LIPE: variants seen among roughly 807,000 people sequenced by gnomAD.
LIPE encodes hormone-sensitive lipase.
In LIPE, 66 loss-of-function variants were observed where a neutral mutation model predicts 88.5. That is an observed-to-expected ratio of 0.75 (90% CI 0.61 to 0.91). The LOEUF is 0.91. Ranked by LOEUF, LIPE falls within the 40% of genes least tolerant of loss-of-function variation. The probability of loss-of-function intolerance (pLI) is 0.00; values close to 1 mark genes in which losing one functional copy is unlikely to be tolerated. For missense variants in LIPE, 1,346 were observed against 1,434.7 expected (o/e 0.94, Z 1.00); for synonymous variants, 570 against 617.5 (o/e 0.92, Z 1.14).
In LIPE at chr19:42,401,979, G is replaced by T; in HGVS notation, c.3064C>A (p.Leu1022Met). 1 of 1,556,268 alleles carries T rather than the reference G, an allele frequency of 6.4e-7. No individual in the cohort carries two copies. Among genetic ancestry groups the T allele is most frequent in the East Asian group, 2.4e-5 (1 of 41,744 alleles). Residue 1022 changes from leucine to methionine, a missense_variant, in exon 10 of 10, where the codon CTG (leucine) becomes ATG (methionine). Transcript: ENST00000244289. ...GCTAGGGTCAGGAAGCCGTGCGGCA[G>T]GTCCTCCACCACGCGCAGCGTCACC... Reference protein sequence around the residue: ...QPVTLRVVEDLPHGFLTLAAL... With the variant: ...QPVTLRVVEDMPHGFLTLAAL...
intron 1 of LIPE, among the ~76,000 whole-genome samples, chr19:42,416,567 C>A (rs2040491786): frequency 6.6e-6 from 1 of 152,166 alleles, no homozygotes; most frequent in Non-Finnish European, 1.5e-5. Flanking sequence ...AGGCTGACCC[C>A]CTTGTTAGGG....
At chr19:42,403,120 G>A (rs1253225240) in intron 8 of LIPE, 89 bp from the exon 9 acceptor site, 1 of 1,292,032 alleles carries the variant, frequency 7.7e-7, no homozygotes, top group Non-Finnish European at 1.0e-6. Context: ...GCAGTCGCCT[G>A]TGGAGCGCTG....
At position 42,402,078 on chromosome 19, in the gene LIPE, A is replaced by G. The variant is rs1388477417; in HGVS notation, c.2968-3T>C. ...AGCATGGGGTCCAGCGCGCACGCCT[A>G]CGGGACAGCGGGGAGGGACGTGGAG... On this transcript the variant is annotated splice_region_variant and splice_polypyrimidine_tract_variant and intron_variant, in intron 9 of 9. Coordinates refer to ENST00000244289, the MANE Select transcript of LIPE (RefSeq NM_005357.4). 1 of 1,478,358 alleles carries G rather than the reference A, an allele frequency of 6.8e-7. No individual in the cohort carries two copies. Among genetic ancestry groups the G allele is most frequent in the African/African-American group, 1.4e-5 (1 of 69,156 alleles). 91.6% of individuals were successfully genotyped at this position (1,478,358 alleles called of 1,614,324 possible). A position where few individuals can be genotyped will look rare whatever the true frequency, so the allele number is the denominator to read the frequency against.
rs1313433890 is a variant in LIPE at position 42,426,597 on chromosome 19, C to A, written c.553G>T (p.Asp185Tyr). 6.2e-7 allele frequency: 1 copy of A among 1,614,222 alleles called. No individual in the cohort carries two copies. The highest frequency in any genetic ancestry group is 1.1e-5 in the South Asian group (1 of 91,090). Residue 185 changes from aspartate to tyrosine, a missense_variant, in exon 1 of 10, where the codon GAC (aspartate) becomes TAC (tyrosine). Coordinates refer to ENST00000244289, the MANE Select transcript of LIPE (RefSeq NM_005357.4). The stretch of plus-strand genomic sequence containing the variant: ...CCCTGGACTGGCGTTGTTTGCTTGT[C>A]TGACTGTTCAGGTGTCTCTTGGGAC... ...STSQETPEQS[D>Y]KQTTPVQGAK...
At position 42,414,047 on chromosome 19, in the gene LIPE, C is replaced by T. The variant is rs903374264; in HGVS notation, c.884-3205G>A. Among the ~76,000 whole-genome samples, 6 of 152,104 alleles carry T rather than the reference C, an allele frequency of 3.9e-5. No individual in the cohort carries two copies. Among genetic ancestry groups the T allele is most frequent in the African/African-American group, 9.6e-5 (4 of 41,506 alleles). The stretch of plus-strand genomic sequence containing the variant: ...TAATGCCAGCACGTTGGGAGGCCGA[C>T]GTGGGTGGGCCACGAGGTCAGGAGA... On this transcript the variant is annotated intron_variant, in intron 1 of 9. Transcript: ENST00000244289. This position sits in a 1 kb window ranked among gnomAD's most constrained non-coding sequence, Gnocchi z 4.6.
intron 1 of LIPE, among the ~76,000 whole-genome samples, chr19:42,412,746 C>T (rs980360911): frequency 6.6e-6 from 1 of 152,198 alleles, no homozygotes; most frequent in Non-Finnish European, 1.5e-5. Flanking sequence ...CCCCTCTCAC[C>T]CAGCCAGGCT....
chr19:42,406,019 C>CACAT lies in LIPE; in HGVS notation c.2365+141_2365+142insATGT. 2 of 610,344 alleles carry CACAT rather than the reference C, an allele frequency of 3.3e-6. No individual in the cohort carries two copies. Among genetic ancestry groups the CACAT allele is most frequent in the South Asian group, 2.0e-5 (1 of 49,982 alleles). 37.8% of individuals were successfully genotyped at this position (610,344 alleles called of 1,614,324 possible). A position where few individuals can be genotyped will look rare whatever the true frequency, so the allele number is the denominator to read the frequency against. On this transcript the variant is annotated intron_variant, in intron 7 of 9. Coordinates refer to ENST00000244289, the MANE Select transcript of LIPE (RefSeq NM_005357.4). This position sits in a 1 kb window ranked among gnomAD's most constrained non-coding sequence, Gnocchi z 5.7. ...ACACACACACACACACACACACACA[C>CACAT]GAAAAAAAAGGGACAAGGAGTCTTA...
chr19:42,410,752 T>G lies in LIPE; in HGVS notation c.974A>C (p.Gln325Pro). ...CCGCTGGGCCGTTTCCCCAGGACCC[T>G]GGCTCGAGAAGAAGGCTATGTTGTC... The part of the protein sequence containing the change: ...AEDNIAFFSS[Q>P]GPGETAQRLS... The change falls in exon 2 of 10, where the codon CAG becomes CCG. Residue 325 changes from glutamine (Q) to proline (P), a missense_variant. Transcript: ENST00000244289. The surrounding 1 kb of genome is among the most constrained non-coding windows in gnomAD (Gnocchi z 6.1). The G allele has an allele frequency of 6.2e-7, 1 of 1,613,348 alleles. No homozygotes were observed. The highest frequency in any genetic ancestry group is 8.5e-7 in the Non-Finnish European group (1 of 1,179,460).
Position 42,403,047 on chromosome 19 carries a change from C to G in LIPE, c.2543-16G>C, listed in dbSNP as rs1568594831. On this transcript the variant is annotated splice_polypyrimidine_tract_variant and intron_variant, in intron 8 of 9. Transcript: ENST00000244289. ...CGCATCGGCTCTGAGAGAGGGAGAG[C>G]AGATAGGCCTGGCTCCGTTAGTTTG... 1 of 1,525,112 alleles carries G rather than the reference C, an allele frequency of 6.6e-7. No individual in the cohort carries two copies. Among genetic ancestry groups the G allele is most frequent in the South Asian group, 1.2e-5 (1 of 80,944 alleles). The allele number at this position is 1,525,112 out of a possible 1,614,324, so 94.5% of individuals were successfully genotyped here. A position where few individuals can be genotyped will look rare whatever the true frequency, so the allele number is the denominator to read the frequency against.
rs2040187131 is a variant in LIPE, at chr19:42,406,447, G to A, written c.2138-59C>T. On this transcript the variant is annotated intron_variant, in intron 6 of 9. Transcript: ENST00000244289. The surrounding 1 kb of genome is among the most constrained non-coding windows in gnomAD (Gnocchi z 5.7). Reference sequence around the variant, plus strand: ...GGCAGGGGCAGAGGCCTGGGGAGGAGGGCAGGGAGGAACTCAAGCTGGGAG... The same window carrying A: ...GGCAGGGGCAGAGGCCTGGGGAGGAAGGCAGGGAGGAACTCAAGCTGGGAG... The A allele has an allele frequency of 6.8e-7, 1 of 1,462,574 alleles. No individual in the cohort carries two copies. Among genetic ancestry groups the A allele is most frequent in the Non-Finnish European group, 9.5e-7 (1 of 1,049,896 alleles). 90.6% of individuals were successfully genotyped at this position (1,462,574 alleles called of 1,614,324 possible).
chr19:42,426,465 C>A lies in LIPE; in HGVS notation c.685G>T (p.Val229Phe). Residue 229 changes from valine (V) to phenylalanine (F), a missense_variant, in exon 1 of 10, where the codon GTC becomes TTC. By Grantham distance (50) the Val-to-Phe change is conservative. Coordinates refer to ENST00000244289, the MANE Select transcript of LIPE (RefSeq NM_005357.4). ...ALEWKALSEW[V>F]TDSESESDVG... ...TCTGATTCTGACTCAGAATCTGTGA[C>A]CCACTCAGAAAGTGCCTTCCACTCT... 6.2e-7 allele frequency: 1 copy of A among 1,614,094 alleles called. No individual in the cohort carries two copies.
intron 1 of LIPE, among the ~76,000 whole-genome samples, chr19:42,416,313 C>T (rs1038337788): frequency 6.6e-6 from 1 of 152,036 alleles, no homozygotes; most frequent in African/African-American, 2.4e-5. Context: ...CATTGCACTC[C>T]AGCCTGAGCA....
Position 42,401,820 on chromosome 19 carries a change from G to GCGC in LIPE, c.3222_3223insGCG (p.Gly1074_Arg1075insAla). 2 of 1,479,352 alleles carry GCGC rather than the reference G, an allele frequency of 1.4e-6. No individual in the cohort carries two copies. Among genetic ancestry groups the GCGC allele is most frequent in the Non-Finnish European group, 1.8e-6 (2 of 1,117,870 alleles). 91.6% of individuals were successfully genotyped at this position (1,479,352 alleles called of 1,614,324 possible). On this transcript the variant is annotated inframe_insertion, in exon 10 of 10. Coordinates refer to ENST00000244289, the MANE Select transcript of LIPE (RefSeq NM_005357.4). The stretch of plus-strand genomic sequence containing the variant: ...ATGGGAACAACAGGCTTTTAGTGTC[G>GCGC]CCCCCCGCAGCCCCCGTCTACCCCC...
chr19:42,417,140 T>C lies in LIPE; in HGVS notation c.884-6298A>G, dbSNP rs1288648241. On this transcript the variant is annotated intron_variant, in intron 1 of 9. Transcript: ENST00000244289. Reference sequence around the variant, plus strand: ...TTTCACCATGTTAGCTAGGATGGTCTCGATCTCCTGACCTCGTGATTCGCC... The same window carrying C: ...TTTCACCATGTTAGCTAGGATGGTCCCGATCTCCTGACCTCGTGATTCGCC... Among the ~76,000 whole-genome samples the C allele has an allele frequency of 1.4e-4, 21 of 152,352 alleles. No homozygotes were observed. In the East Asian group the frequency reaches 3.5e-3, roughly 25 times the overall value.
rs113177392 is a variant in LIPE, at chr19:42,408,565, G to GA, written c.1420-244dup. ...ATGACAAGGAATGACGAATGGTTTG[G>GA]AAAAAAAAAAAGGCAGTAGGTGGAG... On this transcript the variant is annotated intron_variant, in intron 2 of 9. Transcript: ENST00000244289. The surrounding 1 kb of genome is among the most constrained non-coding windows in gnomAD (Gnocchi z 4.3). 0.056 allele frequency: 21,432 copies of GA among 383,270 alleles called. 389 individuals carry two copies. Among genetic ancestry groups the GA allele is most frequent in the African/African-American group, 0.15 (6,991 of 46,712 alleles). The allele number at this position is 383,270 out of a possible 1,614,324, so 23.7% of individuals were successfully genotyped here. A position where few individuals can be genotyped will look rare whatever the true frequency, so the allele number is the denominator to read the frequency against.
chr19:42,423,837 C>A, intron 1 of LIPE: 1 of 1,108,982 alleles, frequency 9.0e-7, no homozygotes, highest in Non-Finnish European at 1.1e-6. Context: ...CGGAGCCCCG[C>A]GGGGAGCACC....
chr19:42,413,497 C>A (rs192654578), intron 1 of LIPE, among the ~76,000 whole-genome samples: 1 of 152,180 alleles, frequency 6.6e-6, no homozygotes, highest in African/African-American at 2.4e-5. Context: ...AACCCCGTCT[C>A]TACTAAAAAT....
At chr19:42,422,486 G>A (rs1007482881) in intron 1 of LIPE, among the ~76,000 whole-genome samples, 68 of 152,300 alleles carry the variant, frequency 4.5e-4, no homozygotes, top group African/African-American at 1.5e-3. Flanking sequence ...CTGAGCCTGC[G>A]TGTGTCTGAA....
intron 2 of LIPE, among the ~76,000 whole-genome samples, chr19:42,409,584 C>T (rs575140520): frequency 9.2e-5 from 14 of 152,070 alleles, no homozygotes; most frequent in African/African-American, 2.2e-4. Context: ...CTCCCGGGGA[C>T]GGACATTTTA....
Sources: allele counts gnomAD v4.1 joint callset (sites outside exome capture counted in the v4.1 genomes callset), GRCh38; gene constraint gnomAD v4.1.1; non-coding constraint Gnocchi (gnomAD v3.1); transcripts MANE v1.5; gene names NCBI Gene and HGNC (gene_info 2026-07-23, HGNC 2026-07-21).